TEX36: variants seen among roughly 807,000 people sequenced by gnomAD.
The protein encoded by TEX36 is testis-expressed protein 36.
In TEX36, 12 loss-of-function variants were observed where a neutral mutation model predicts 13.6. The observed-to-expected ratio is 0.88, with a 90% confidence interval of 0.56 to 1.43. TEX36 has a LOEUF of 1.43. Among genes scored for constraint, TEX36 ranks in the 40% most tolerant of loss-of-function variants. The pLI, the probability that TEX36 is intolerant of heterozygous loss-of-function variation, is 0.00. For missense variants in TEX36, 224 were observed against 228.3 expected (o/e 0.98, Z 0.12); for synonymous variants, 93 against 83.0 (o/e 1.12, Z -0.65).
chr10:125,673,632 C>A (rs1847266165), intron 1 of TEX36, among the ~76,000 whole-genome samples: 2 of 147,988 alleles, frequency 1.4e-5, no homozygotes, highest in Admixed American at 1.4e-4. Flanking sequence ...ATCAATGGAA[C>A]CCAGGAGGTG....
chr10:125,678,004 C>CT (rs1847337655), intron 1 of TEX36, among the ~76,000 whole-genome samples: 1 of 152,150 alleles, frequency 6.6e-6, no homozygotes, highest in Admixed American at 6.5e-5. Flanking sequence ...ATTTTCAATT[C>CT]TTTATCTGGT....
intron 3 of TEX36, chr10:125,640,293 T>C: frequency 1.3e-6 from 1 of 761,492 alleles, no homozygotes; most frequent in Non-Finnish European, 1.6e-6. Context: ...TTTGGGAACT[T>C]ACAGATCTGT....
At chr10:125,667,390 C>G in intron 1 of TEX36, 1 of 652,894 alleles carries the variant, frequency 1.5e-6, no homozygotes, top group South Asian at 1.4e-5. Flanking sequence ...TCTCAGGCTC[C>G]GCAATGGGCA....
chr10:125,610,358 G>C (rs936385045), intron 3 of TEX36, among the ~76,000 whole-genome samples: 2 of 152,100 alleles, frequency 1.3e-5, no homozygotes, highest in African/African-American at 4.8e-5. Context: ...GGCCTCCCAG[G>C]CTGAACCCCA....
At chr10:125,611,738 A>C (rs1846292760) in intron 3 of TEX36, among the ~76,000 whole-genome samples, 2 of 152,126 alleles carry the variant, frequency 1.3e-5, no homozygotes, top group Admixed American at 1.3e-4. Context: ...CAAATTTTGC[A>C]ATGTTTTTCC....
At chr10:125,591,678 T>C (rs1055585034) in intron 3 of TEX36, among the ~76,000 whole-genome samples, 6 of 152,224 alleles carry the variant, frequency 3.9e-5, no homozygotes, top group Non-Finnish European at 5.9e-5. Context: ...GATCTTAGTC[T>C]TAGCCTTGAA....
At chr10:125,596,651 C>T (rs190532353) in intron 3 of TEX36, among the ~76,000 whole-genome samples, 219 of 152,182 alleles carry the variant, frequency 1.4e-3, no homozygotes, top group Admixed American at 0.013. Flanking sequence ...TTTTTACAGC[C>T]GCAATTGGAA....
intron 3 of TEX36, among the ~76,000 whole-genome samples, chr10:125,646,463 T>C (rs1020097238): frequency 6.6e-6 from 1 of 152,186 alleles, no homozygotes; most frequent in Non-Finnish European, 1.5e-5. Flanking sequence ...TAACTACATT[T>C]ACAAGAAAAC....
intron 3 of TEX36, among the ~76,000 whole-genome samples, chr10:125,583,612 T>C (rs1244757378): frequency 6.6e-6 from 1 of 152,214 alleles, no homozygotes; most frequent in Non-Finnish European, 1.5e-5. Flanking sequence ...ATGTAAATTG[T>C]AGAGGACACA....
At chr10:125,604,137 A>G (rs1846183881) in intron 3 of TEX36, among the ~76,000 whole-genome samples, 1 of 152,160 alleles carries the variant, frequency 6.6e-6, no homozygotes, top group Non-Finnish European at 1.5e-5. Flanking sequence ...CAGAGCCAGG[A>G]GAAAGAACTC....
At chr10:125,585,213 C>A (rs542336460) in intron 3 of TEX36, among the ~76,000 whole-genome samples, 2 of 152,172 alleles carry the variant, frequency 1.3e-5, no homozygotes, top group East Asian at 3.9e-4. Flanking sequence ...AGGTGTGTCC[C>A]GAGGGGCTGC....
chr10:125,602,479 ATCCT>A (rs1846162268), intron 3 of TEX36, among the ~76,000 whole-genome samples: 1 of 151,998 alleles, frequency 6.6e-6, no homozygotes, highest in African/African-American at 2.4e-5. Context: ...GTTCCCCTCT[ATCCT>A]TCCTTCAGGG....
chr10:125,597,732 G>A (rs182228928), intron 3 of TEX36, among the ~76,000 whole-genome samples: 86 of 152,294 alleles, frequency 5.6e-4, no homozygotes, highest in African/African-American at 2.0e-3. Flanking sequence ...AAGAAATTTA[G>A]AAGAAAGAAT....
rs1847420941 is a variant in TEX36, at chr10:125,682,984, G to A, written c.6C>T (p.Thr2=). Residue 2 remains threonine (T), a synonymous_variant, in exon 1 of 4, where the codon ACC becomes ACT. Transcript: ENST00000368821. ...AAGGTGGGTTGAAGCGTCGCCCTTTGGTCATTCTCTCCAGGAAGCTGAATG... is the reference window on the plus strand; with the variant it reads ...AAGGTGGGTTGAAGCGTCGCCCTTTAGTCATTCTCTCCAGGAAGCTGAATG... The part of the protein sequence containing the change: M[T]KGRRFNPPSD... 6.4e-7 allele frequency: 1 copy of A among 1,551,672 alleles called. No individual in the cohort carries two copies. The highest frequency in any genetic ancestry group is 8.7e-7 in the Non-Finnish European group (1 of 1,146,978).
At chr10:125,644,983 C>T (rs1263260390) in intron 3 of TEX36, among the ~76,000 whole-genome samples, 2 of 152,132 alleles carry the variant, frequency 1.3e-5, no homozygotes, top group African/African-American at 4.8e-5. Flanking sequence ...TGGCTAACAG[C>T]AAATGAGGAA....
At chr10:125,661,458 C>A (rs529114665) in intron 2 of TEX36, among the ~76,000 whole-genome samples, 1 of 152,326 alleles carries the variant, frequency 6.6e-6, no homozygotes, top group East Asian at 1.9e-4. Context: ...GTAAGGGTCC[C>A]AGGAGATGAG....
intron 1 of TEX36, among the ~76,000 whole-genome samples, chr10:125,662,425 G>C (rs1847059946): frequency 6.6e-6 from 1 of 152,180 alleles, no homozygotes; most frequent in Non-Finnish European, 1.5e-5. Flanking sequence ...CACGGGAAGG[G>C]GAGGAACAGA....
At chr10:125,674,552 G>A (rs1847283347) in intron 1 of TEX36, among the ~76,000 whole-genome samples, 1 of 152,146 alleles carries the variant, frequency 6.6e-6, no homozygotes, top group Non-Finnish European at 1.5e-5. Context: ...TCTCCTTTTT[G>A]TGAGTTTTTC....
intron 3 of TEX36, among the ~76,000 whole-genome samples, chr10:125,659,243 TAGAG>T (rs1468703384): frequency 6.6e-6 from 1 of 152,188 alleles, no homozygotes; most frequent in Non-Finnish European, 1.5e-5. Context: ...TTCCAGAACA[TAGAG>T]AAAGTTGGAA....
Sources: allele counts gnomAD v4.1 joint callset (sites outside exome capture counted in the v4.1 genomes callset), GRCh38; gene constraint gnomAD v4.1.1; transcripts MANE v1.5; gene names NCBI Gene and HGNC (gene_info 2026-07-23, HGNC 2026-07-21).